Variants in YEATS2 observed in about 807,000 individuals in gnomAD.
The protein encoded by YEATS2 is YEATS domain-containing protein 2.
Under a neutral mutation model 163.2 loss-of-function variants are expected in YEATS2, and 77 were observed. That is an observed-to-expected ratio of 0.47 (90% CI 0.39 to 0.57). YEATS2 has a LOEUF of 0.57. YEATS2 is among the 20% of genes least tolerant of loss of function. YEATS2 has a pLI of 0.00. For missense variants in YEATS2, 1,549 were observed against 1,729.8 expected, an observed-to-expected ratio of 0.90 and a Z score of 1.85; for synonymous variants, 631 against 645.1, an observed-to-expected ratio of 0.98 and a Z score of 0.33.
chr3:183,790,798 C>T lies in YEATS2; in HGVS notation c.2915C>T (p.Ser972Phe). 1 of 1,613,576 alleles carries T rather than the reference C, an allele frequency of 6.2e-7. No homozygotes were observed. Among genetic ancestry groups the T allele is most frequent in the Non-Finnish European group, 8.5e-7 (1 of 1,179,586 alleles). ...GTTTCGGACCCCATGGGTGAGCAGT[C>T]TGAAGGAATGGCTCCCGTGTCTTCA... ...ALSANGPAQQSEGMAPVSSST... is the reference protein window; with the variant it reads ...ALSANGPAQQFEGMAPVSSST... The change falls in exon 21 of 31, where the codon TCT (serine) becomes TTT (phenylalanine). Residue 972 changes from serine (S) to phenylalanine (F), a missense_variant and splice_region_variant. Ser to Phe is a radical substitution (Grantham distance 155). Coordinates refer to ENST00000305135, the MANE Select transcript of YEATS2 (RefSeq NM_018023.5).
intron 1 of YEATS2, among the ~76,000 whole-genome samples, chr3:183,711,191 C>T (rs1715159622): frequency 6.6e-6 from 1 of 152,054 alleles, no homozygotes; most frequent in South Asian, 2.1e-4. Flanking sequence ...CTTTAAACAG[C>T]TGGGCGCAGT....
At chr3:183,698,292 G>C (rs942639507) in intron 1 of YEATS2, among the ~76,000 whole-genome samples, 1 of 152,216 alleles carries the variant, frequency 6.6e-6, no homozygotes, top group Non-Finnish European at 1.5e-5. Context: ...GAGCTTTTAG[G>C]ATGTTAAGCT....
At chr3:183,713,264 C>T (rs1421593864) in intron 1 of YEATS2, among the ~76,000 whole-genome samples, 1 of 152,040 alleles carries the variant, frequency 6.6e-6, no homozygotes, top group African/African-American at 2.4e-5. Context: ...TTTCACTTCC[C>T]TTTTTCAAAC....
chr3:183,708,936 C>T (rs1236384523), intron 1 of YEATS2, among the ~76,000 whole-genome samples: 1 of 151,792 alleles, frequency 6.6e-6, no homozygotes, highest in Non-Finnish European at 1.5e-5. Context: ...CCGAGGTGGG[C>T]GGATCACAAG....
intron 8 of YEATS2, among the ~76,000 whole-genome samples, chr3:183,739,243 A>G (rs1334948336): frequency 1.5e-4 from 23 of 151,932 alleles, no homozygotes; most frequent in Non-Finnish European, 1.5e-5. Flanking sequence ...CCTTAAGCTG[A>G]TAAGCAACTT....
At chr3:183,756,784 TGAAA>T in intron 12 of YEATS2, 95 bp downstream of exon 12, 1 of 1,131,388 alleles carries the variant, frequency 8.8e-7, no homozygotes, top group Non-Finnish European at 1.2e-6. Flanking sequence ...AATTGGAGAA[TGAAA>T]TCTCCCGTAA....
At chr3:183,802,514 CAT>C (rs1560335044) in intron 25 of YEATS2, 3 of 144,036 alleles carry the variant, frequency 2.1e-5, no homozygotes, top group South Asian at 2.2e-4. Context: ...TGTGTGTATA[CAT>C]GTATATATAT....
chr3:183,728,412 C>T (rs1364591592), intron 6 of YEATS2, among the ~76,000 whole-genome samples: 20 of 152,188 alleles, frequency 1.3e-4, no homozygotes. Context: ...CCAGGCTGAT[C>T]TCTAACTCCT....
chr3:183,806,429 G>T, intron 27 of YEATS2: 1 of 456,846 alleles, frequency 2.2e-6, no homozygotes, highest in South Asian at 1.5e-5. Flanking sequence ...CCTTATTAGA[G>T]ACTGGACCCA....
chr3:183,698,333 C>T (rs1713702343), intron 1 of YEATS2, among the ~76,000 whole-genome samples: 2 of 152,314 alleles, frequency 1.3e-5, no homozygotes, highest in South Asian at 4.1e-4. Flanking sequence ...TTGGCCCCAG[C>T]ACCAGAAAGT....
intron 1 of YEATS2, among the ~76,000 whole-genome samples, chr3:183,698,394 C>T (rs1713710352): frequency 1.3e-5 from 2 of 152,132 alleles, no homozygotes; most frequent in African/African-American, 2.4e-5. Flanking sequence ...TGTCGCCATC[C>T]CCACCGGGCC....
intron 5 of YEATS2, among the ~76,000 whole-genome samples, chr3:183,723,441 A>T (rs1716744010): frequency 6.6e-6 from 1 of 152,226 alleles, no homozygotes; most frequent in Admixed American, 6.5e-5. Context: ...CAGATTATAA[A>T]TTCATATGTG....
rs2304753 is a variant in YEATS2 at position 183,797,894 on chromosome 3, A to G, written c.3098-29A>G. 12,614 of 1,613,064 alleles carry G rather than the reference A, an allele frequency of 7.8e-3. 545 individuals are homozygous for G. In the East Asian group the frequency reaches 0.14, roughly 17 times the overall value. The stretch of plus-strand genomic sequence containing the variant: ...ACTTTCCCGAAGCACCTGACCTTCA[A>G]CTTGGCTTTATCTTCCAATTTGTTC... On this transcript the variant is annotated intron_variant, in intron 21 of 30. Transcript: ENST00000305135.
intron 5 of YEATS2, among the ~76,000 whole-genome samples, chr3:183,722,898 T>C (rs548993113): frequency 2.0e-5 from 3 of 150,336 alleles, no homozygotes; most frequent in Non-Finnish European, 4.4e-5. Flanking sequence ...ATGATCTGCC[T>C]GCCTCGGCCT....
chr3:183,782,676 G>A (rs1338525350), intron 19 of YEATS2, among the ~76,000 whole-genome samples: 5 of 151,922 alleles, frequency 3.3e-5, no homozygotes, highest in African/African-American at 1.2e-4. Flanking sequence ...TGCCTGCCTC[G>A]GCTTCCCAAA....
chr3:183,787,055 A>T (rs1313554750), intron 20 of YEATS2, among the ~76,000 whole-genome samples: 1 of 152,096 alleles, frequency 6.6e-6, no homozygotes, highest in Admixed American at 6.6e-5. Flanking sequence ...CCCGGGTTCA[A>T]GCGATTCCCC....
intron 21 of YEATS2, among the ~76,000 whole-genome samples, chr3:183,794,912 G>C (rs1724994395): frequency 1.3e-5 from 2 of 151,930 alleles, no homozygotes; most frequent in South Asian, 4.2e-4. Flanking sequence ...GCTCACGACT[G>C]TAATTCCAGC....
intron 2 of YEATS2, among the ~76,000 whole-genome samples, chr3:183,716,363 G>A (rs1210958824): frequency 6.6e-6 from 1 of 152,184 alleles, no homozygotes; most frequent in Non-Finnish European, 1.5e-5. Flanking sequence ...GAAGGCGTCA[G>A]TCATAGCTCA....
Position 183,804,148 on chromosome 3 carries a change from C to G in YEATS2, c.3744C>G (p.Asp1248Glu). ...PDPESLRNDG[D>E]SIEDVLTQID... ...CTGAGAGCCTGAGGAATGACGGGGA[C>G]TCCATCGAGGACGTGCTGACCCAGA... is the stretch of plus-strand genomic sequence containing the variant. The change falls in exon 27 of 31, where the codon GAC becomes GAG. Residue 1248 changes from aspartate (D) to glutamate (E), a missense_variant. Physicochemically the swap from Asp to Glu is conservative, Grantham distance 45. Transcript: ENST00000305135. The G allele has an allele frequency of 6.2e-7, 1 of 1,614,168 alleles. No homozygotes were observed. The highest frequency in any genetic ancestry group is 8.5e-7 in the Non-Finnish European group (1 of 1,180,032).
Sources: allele counts gnomAD v4.1 joint callset (sites outside exome capture counted in the v4.1 genomes callset), GRCh38; gene constraint gnomAD v4.1.1; transcripts MANE v1.5; gene names NCBI Gene and HGNC (gene_info 2026-07-23, HGNC 2026-07-21).